The following TLN2 variants were observed in gnomAD, a reference collection of about 807,000 sequenced individuals.
TLN2 encodes the protein talin 2, also known as talin-2.
A neutral mutation model predicts 294.7 loss-of-function variants in TLN2; 118 were observed. The observed-to-expected ratio is 0.40, with a 90% confidence interval of 0.34 to 0.47. The LOEUF (loss-of-function observed/expected upper bound fraction) is 0.47, where lower values mean the gene tolerates loss of function less well. TLN2 is among the 20% of genes least tolerant of loss of function. The pLI, the probability that TLN2 is intolerant of heterozygous loss-of-function variation, is 0.84. For synonymous variants in TLN2, 1,431 were observed against 1,304.5 expected, an observed-to-expected ratio of 1.10 and a Z score of -2.09; for missense variants, 3,083 against 3,282.2, an observed-to-expected ratio of 0.94 and a Z score of 1.48.
intron 54 of TLN2, chr15:62,829,325 A>G (rs1471192946): frequency 6.6e-6 from 1 of 152,124 alleles, no homozygotes; most frequent in Non-Finnish European, 1.5e-5. Context: ...CCTCACAATC[A>G]TGGCGGAAAG....
intron 23 of TLN2, 66 bp from the exon 24 acceptor site, chr15:62,717,510 G>A: frequency 8.9e-7 from 1 of 1,123,586 alleles, no homozygotes; most frequent in Non-Finnish European, 1.2e-6. Context: ...TGTGGTGGAA[G>A]TGACCTGTAG....
At chr15:62,787,767 A>C (rs1439750915) in intron 45 of TLN2, among the ~76,000 whole-genome samples, 2 of 133,866 alleles carry the variant, frequency 1.5e-5, no homozygotes, top group Admixed American at 1.7e-4. Flanking sequence ...ATCTCGGCTC[A>C]CTGCAACCTC....
chr15:62,562,840 C>T (rs758022147), intron 1 of TLN2, among the ~76,000 whole-genome samples: 2 of 150,534 alleles, frequency 1.3e-5, no homozygotes, highest in Non-Finnish European at 3.0e-5. Context: ...ATAATAGTCT[C>T]CAGTTCCATC....
intron 1 of TLN2, among the ~76,000 whole-genome samples, chr15:62,485,817 G>A (rs977775044): frequency 2.6e-5 from 4 of 152,108 alleles, no homozygotes; most frequent in Non-Finnish European, 5.9e-5. Context: ...GTTTGGATGC[G>A]TGTCCAGTTG....
At chr15:62,661,807 G>C (rs1368831787) in intron 9 of TLN2, among the ~76,000 whole-genome samples, 2 of 152,080 alleles carry the variant, frequency 1.3e-5, no homozygotes, top group Non-Finnish European at 2.9e-5. Flanking sequence ...TGTAGCTGCT[G>C]GAGCAGCTAC....
In TLN2 at chr15:62,653,325, G is replaced by T; in HGVS notation, c.517+11G>T. 1 of 1,605,984 alleles carries T rather than the reference G, an allele frequency of 6.2e-7. No homozygotes were observed. The highest frequency in any genetic ancestry group is 8.5e-7 in the Non-Finnish European group (1 of 1,176,912). On this transcript the variant is annotated intron_variant, in intron 7 of 58. Coordinates refer to ENST00000636159, the MANE Select transcript of TLN2 (RefSeq NM_015059.3). The stretch of plus-strand genomic sequence containing the variant: ...ACACAGATGATGACCGTAAGTGTTT[G>T]CAGAGGAAGCATGATACAGACACAC...
intron 1 of TLN2, chr15:62,453,718 A>G (rs568670207): frequency 5.9e-5 from 9 of 152,302 alleles, no homozygotes; most frequent in Non-Finnish European, 8.8e-5. Flanking sequence ...CAAAAACGCA[A>G]CTGATACAAA....
chr15:62,786,607 G>A (rs1281195237), intron 45 of TLN2, among the ~76,000 whole-genome samples: 5 of 152,202 alleles, frequency 3.3e-5, no homozygotes, highest in Admixed American at 3.3e-4. Flanking sequence ...TGTCTCTGAG[G>A]AAAATGTGCA....
At chr15:62,720,100 A>G (rs575068748) in intron 25 of TLN2, among the ~76,000 whole-genome samples, 6 of 152,368 alleles carry the variant, frequency 3.9e-5, no homozygotes, top group African/African-American at 1.2e-4. Flanking sequence ...TGGAGATGGC[A>G]TATGTTCCGT....
intron 48 of TLN2, 32 bp downstream of exon 48, chr15:62,797,434 C>T (rs201281209): frequency 8.4e-5 from 131 of 1,553,388 alleles, no homozygotes; most frequent in Admixed American, 3.7e-4. Flanking sequence ...TGCGTCCTCC[C>T]GGTCTTCCCG....
At chr15:62,603,265 T>C (rs981464671) in intron 2 of TLN2, among the ~76,000 whole-genome samples, 42 of 152,356 alleles carry the variant, frequency 2.8e-4, no homozygotes, top group African/African-American at 8.7e-4. Flanking sequence ...TGGAAAAAAT[T>C]ACGGTTTATC....
At chr15:62,721,518 A>T (rs993707886) in intron 25 of TLN2, among the ~76,000 whole-genome samples, 11 of 152,012 alleles carry the variant, frequency 7.2e-5, no homozygotes, top group African/African-American at 2.2e-4. Context: ...TAATTCTTTA[A>T]ATATTAAAAA....
At chr15:62,696,965 A>C (rs144461264) in intron 14 of TLN2, among the ~76,000 whole-genome samples, 1 of 152,306 alleles carries the variant, frequency 6.6e-6, no homozygotes, top group African/African-American at 2.4e-5. Context: ...TGTATCTCTG[A>C]TGCCTAGAAT....
Position 62,797,367 on chromosome 15 carries a change from G to T in TLN2, c.6199G>T (p.Ala2067Ser). The change falls in exon 48 of 59, where the codon GCA becomes TCA. Residue 2067 changes from alanine (A) to serine (S), a missense_variant. Physicochemically the swap from Ala to Ser is moderately conservative, Grantham distance 99 (BLOSUM62 1). Coordinates refer to ENST00000636159, the MANE Select transcript of TLN2 (RefSeq NM_015059.3). ...TQLAEVVKLGAASLGSDDPET... is the reference protein window; with the variant it reads ...TQLAEVVKLGSASLGSDDPET... Reference sequence around the variant, plus strand: ...GCTCGCAGAAGTGGTCAAGCTGGGGGCAGCCAGCCTGGGCTCCGACGACCC... The same window carrying T: ...GCTCGCAGAAGTGGTCAAGCTGGGGTCAGCCAGCCTGGGCTCCGACGACCC... 3 of 1,612,218 alleles carry T rather than the reference G, an allele frequency of 1.9e-6. No homozygotes were observed. Among genetic ancestry groups the T allele is most frequent in the African/African-American group, 1.3e-5 (1 of 75,010 alleles).
At chr15:62,423,961 T>A (rs2034559930) in intron 1 of TLN2, among the ~76,000 whole-genome samples, 1 of 152,192 alleles carries the variant, frequency 6.6e-6, no homozygotes, top group Non-Finnish European at 1.5e-5. Context: ...TTTCAAAGGC[T>A]GACTAATGTT....
At chr15:62,559,369 T>C (rs2042784935) in intron 1 of TLN2, among the ~76,000 whole-genome samples, 1 of 152,140 alleles carries the variant, frequency 6.6e-6, no homozygotes, top group Non-Finnish European at 1.5e-5. Context: ...TAAGGAAGCC[T>C]TGTTTCATGG....
chr15:62,815,080 G>A (rs4098694), intron 52 of TLN2, among the ~76,000 whole-genome samples: 30,696 of 151,836 alleles, frequency 0.2, 3,792 homozygotes, highest in African/African-American at 0.35. Flanking sequence ...AATTCTTTTT[G>A]GGGTAGAAGA....
intron 2 of TLN2, among the ~76,000 whole-genome samples, chr15:62,595,900 T>A (rs187395021): frequency 1.3e-5 from 2 of 152,312 alleles, no homozygotes; most frequent in East Asian, 3.9e-4. Context: ...TGGGGAGATG[T>A]TGTTCAAAGG....
chr15:62,491,351 T>TATACAC (rs1195221221), intron 1 of TLN2, among the ~76,000 whole-genome samples: 29 of 100,304 alleles, frequency 2.9e-4, no homozygotes, highest in South Asian at 1.2e-3. Context: ...TATATATATA[T>TATACAC]ACACACACAC....
Sources: allele counts gnomAD v4.1 joint callset (sites outside exome capture counted in the v4.1 genomes callset), GRCh38; gene constraint gnomAD v4.1.1; transcripts MANE v1.5; gene names NCBI Gene and HGNC (gene_info 2026-07-23, HGNC 2026-07-21).